The following FRMD4B variants were observed in gnomAD, a reference collection of about 807,000 sequenced individuals.
The protein encoded by FRMD4B is FERM domain containing 4B, also known as FERM domain-containing protein 4B.
Under a neutral mutation model 141.5 loss-of-function variants are expected in FRMD4B, and 74 were observed. That is an observed-to-expected ratio of 0.52 (90% CI 0.43 to 0.63). The LOEUF is 0.63. Among genes scored for constraint, FRMD4B ranks in the 30% least tolerant of loss-of-function variants. The probability of loss-of-function intolerance (pLI) is 0.00; values close to 1 mark genes in which losing one functional copy is unlikely to be tolerated. For synonymous variants in FRMD4B, 506 were observed against 467.9 expected (o/e 1.08, Z -1.05); for missense variants, 1,366 against 1,253.4 (o/e 1.09, Z -1.36).
chr3:69,541,603 A>C (rs945131926), intron 1 of FRMD4B, among the ~76,000 whole-genome samples: 1 of 152,238 alleles, frequency 6.6e-6, no homozygotes, highest in East Asian at 1.9e-4. Context: ...TTCTCAAAGT[A>C]GGAGCTAAAG....
chr3:69,218,730 C>T (rs908707939), intron 9 of FRMD4B, among the ~76,000 whole-genome samples: 2 of 152,110 alleles, frequency 1.3e-5, no homozygotes, highest in African/African-American at 4.8e-5. Flanking sequence ...ACTTTTGGGT[C>T]ATACTCATAA....
intron 11 of FRMD4B, chr3:69,200,924 T>G: frequency 2.2e-6 from 1 of 451,174 alleles, no homozygotes. Flanking sequence ...ACATGATCTC[T>G]GAAAGTCACC....
At chr3:69,494,105 C>G (rs1477451813) in intron 1 of FRMD4B, among the ~76,000 whole-genome samples, 1 of 152,188 alleles carries the variant, frequency 6.6e-6, no homozygotes, top group Non-Finnish European at 1.5e-5. Flanking sequence ...GTCTCGAACT[C>G]TCGGCATCAA....
intron 1 of FRMD4B, among the ~76,000 whole-genome samples, chr3:69,519,777 T>C (rs886571884): frequency 4.0e-5 from 6 of 151,864 alleles, no homozygotes; most frequent in Non-Finnish European, 8.8e-5. Flanking sequence ...TTGTAGTCTT[T>C]TATCCCTCAC....
At chr3:69,342,412 G>A (rs1399592065) in intron 1 of FRMD4B, among the ~76,000 whole-genome samples, 2 of 152,120 alleles carry the variant, frequency 1.3e-5, no homozygotes, top group Admixed American at 6.6e-5. Flanking sequence ...GTGGGCTAAT[G>A]AATAACTGGT....
At chr3:69,372,187 G>A (rs1306818797) in intron 1 of FRMD4B, among the ~76,000 whole-genome samples, 1 of 152,134 alleles carries the variant, frequency 6.6e-6, no homozygotes, top group Admixed American at 6.5e-5. Flanking sequence ...CATCCTTTGA[G>A]TCTTGACATT....
At chr3:69,541,789 T>TCCGCC (rs67274406) in intron 1 of FRMD4B, among the ~76,000 whole-genome samples, 43 of 148,416 alleles carry the variant, frequency 2.9e-4, no homozygotes, top group African/African-American at 1.0e-3. Context: ...TCCAGGGATT[T>TCCGCC]CCCCCCCCTC....
intron 5 of FRMD4B, among the ~76,000 whole-genome samples, chr3:69,263,336 C>T (rs2093540132): frequency 6.7e-6 from 1 of 148,198 alleles, no homozygotes; most frequent in Non-Finnish European, 1.5e-5. Flanking sequence ...TGAGGGGCTT[C>T]TTGGGTGCCA....
intron 1 of FRMD4B, among the ~76,000 whole-genome samples, chr3:69,339,696 C>T (rs1250320121): frequency 6.6e-6 from 1 of 152,092 alleles, no homozygotes; most frequent in African/African-American, 2.4e-5. Context: ...GAAAACATTT[C>T]GACTTGGGAG....
chr3:69,532,073 C>T (rs760376681), intron 1 of FRMD4B, among the ~76,000 whole-genome samples: 6 of 152,168 alleles, frequency 3.9e-5, no homozygotes, highest in Non-Finnish European at 8.8e-5. Context: ...ACTGGGATGG[C>T]GTTCTGTGTT....
intron 5 of FRMD4B, among the ~76,000 whole-genome samples, chr3:69,276,293 G>C (rs1442470254): frequency 6.6e-6 from 1 of 152,154 alleles, no homozygotes; most frequent in East Asian, 1.9e-4. Context: ...TTTTGAGACA[G>C]ACAGGGTCTT....
chr3:69,247,749 C>T (rs1054395160), intron 7 of FRMD4B, among the ~76,000 whole-genome samples: 1 of 152,122 alleles, frequency 6.6e-6, no homozygotes, highest in Non-Finnish European at 1.5e-5. Flanking sequence ...CCCGGGTTCA[C>T]GCCATTCTCC....
intron 5 of FRMD4B, among the ~76,000 whole-genome samples, chr3:69,260,640 G>A (rs890068320): frequency 3.9e-5 from 6 of 152,262 alleles, no homozygotes; most frequent in African/African-American, 9.6e-5. Context: ...GAGTGCAGGC[G>A]CGTGGTGCGG....
At position 69,346,660 on chromosome 3, in the gene FRMD4B, G is replaced by C. The variant is rs376241148; in HGVS notation, c.163-33143C>G. Reference sequence around the variant, plus strand: ...GGCAGAAACTCTACAAGCCAGAAGAGAGTGGGGGCCAATATTCAACATTCT... The same window carrying C: ...GGCAGAAACTCTACAAGCCAGAAGACAGTGGGGGCCAATATTCAACATTCT... On this transcript the variant is annotated intron_variant, in intron 1 of 22. Coordinates refer to ENST00000398540, the MANE Select transcript of FRMD4B (RefSeq NM_015123.3). Among the ~76,000 whole-genome samples, 175 of 152,304 alleles carry C rather than the reference G, an allele frequency of 1.1e-3. 7 individuals are homozygous for C. In the South Asian group the frequency reaches 0.035, roughly 30 times the overall value.
intron 1 of FRMD4B, among the ~76,000 whole-genome samples, chr3:69,339,907 G>A (rs965716592): frequency 3.9e-5 from 6 of 152,024 alleles, no homozygotes; most frequent in Non-Finnish European, 4.4e-5. Flanking sequence ...AACCAATTAG[G>A]TTCTGATTGA....
At chr3:69,319,226 C>T (rs1041842908) in intron 1 of FRMD4B, among the ~76,000 whole-genome samples, 4 of 152,144 alleles carry the variant, frequency 2.6e-5, no homozygotes, top group African/African-American at 4.8e-5. Context: ...TAGTTTATCT[C>T]TTACTAGCTG....
At chr3:69,278,586 C>A (rs543806240) in intron 5 of FRMD4B, among the ~76,000 whole-genome samples, 1 of 144,052 alleles carries the variant, frequency 6.9e-6, no homozygotes, top group South Asian at 2.4e-4. Context: ...TGTGAGTCAC[C>A]CCAGTGGCCC....
At chr3:69,313,569 A>G in intron 1 of FRMD4B, 52 bp from the exon 2 acceptor site, 1 of 1,100,532 alleles carries the variant, frequency 9.1e-7, no homozygotes, top group Non-Finnish European at 1.4e-6. Context: ...TGGCAAGCAA[A>G]CCTTTGGACT....
At position 69,485,297 on chromosome 3, in the gene FRMD4B, G is replaced by C. The variant is rs1471750243; in HGVS notation, c.-128-52536C>G. ...AGGCAGCTGGAACAGGCACCGCAGA[G>C]CCTGCAAGGGCAAGTGGGGCCTTTG... On this transcript the variant is annotated intron_variant, in intron 1 of 5. Coordinates refer to the FRMD4B transcript ENST00000459638. 2.0e-5 allele frequency among the ~76,000 whole-genome samples: 3 copies of C among 152,354 alleles called. No individual in the cohort carries two copies. In the East Asian group the frequency reaches 5.8e-4, roughly 29 times the overall value.
Sources: gnomAD v4.1 joint callset for allele counts (sites outside exome capture counted in the v4.1 genomes callset) on GRCh38, gnomAD v4.1.1 for gene constraint, MANE v1.5 for transcripts, NCBI Gene and HGNC (gene_info 2026-07-23, HGNC 2026-07-21) for gene names.